Variants in TFEC observed in about 807,000 individuals in gnomAD.
The protein encoded by TFEC is transcription factor EC.
Under a neutral mutation model 41.6 loss-of-function variants are expected in TFEC, and 31 were observed. That is an observed-to-expected ratio of 0.74 (90% CI 0.56 to 1.01). The LOEUF (loss-of-function observed/expected upper bound fraction) is 1.01, where lower values mean the gene tolerates loss of function less well. Among genes scored for constraint, TFEC ranks in the 50% least tolerant of loss-of-function variants. The probability of loss-of-function intolerance (pLI) is 0.00; values close to 1 mark genes in which losing one functional copy is unlikely to be tolerated. For missense variants in TFEC, 402 were observed against 404.1 expected (o/e 0.99, Z 0.04); for synonymous variants, 143 against 140.6 (o/e 1.02, Z -0.12).
chr7:116,057,832 T>C (rs1229109482), intron 3 of TFEC, among the ~76,000 whole-genome samples: 1 of 151,800 alleles, frequency 6.6e-6, no homozygotes, highest in African/African-American at 2.4e-5. Flanking sequence ...AAAATTGTGG[T>C]AAGTTAAAGA....
intron 3 of TFEC, among the ~76,000 whole-genome samples, chr7:115,962,018 C>T (rs1394798647): frequency 6.6e-6 from 1 of 151,488 alleles, no homozygotes; most frequent in African/African-American, 2.4e-5. Context: ...CATTTATTAG[C>T]TCAAAAATCA....
intron 1 of TFEC, among the ~76,000 whole-genome samples, chr7:115,989,419 C>T (rs1031382704): frequency 5.9e-5 from 9 of 152,116 alleles, no homozygotes; most frequent in African/African-American, 1.7e-4. Context: ...GTGCAGCCCA[C>T]GGAGTGTGAG....
intron 1 of TFEC, among the ~76,000 whole-genome samples, chr7:116,015,385 A>C (rs1255332055): frequency 6.6e-6 from 1 of 152,156 alleles, no homozygotes; most frequent in Non-Finnish European, 1.5e-5. Flanking sequence ...TTTCTTTCTC[A>C]GCATGATCTG....
chr7:116,007,581 G>A (rs1421706845), intron 1 of TFEC, among the ~76,000 whole-genome samples: 3 of 152,072 alleles, frequency 2.0e-5, no homozygotes, highest in Non-Finnish European at 4.4e-5. Context: ...TTATTCCCAC[G>A]ATTTACTTTC....
intron 3 of TFEC, among the ~76,000 whole-genome samples, chr7:115,960,257 GAAAAT>G: frequency 6.6e-6 from 1 of 151,548 alleles, no homozygotes. Flanking sequence ...AACATTGAAA[GAAAAT>G]AAAACGAAGT....
chr7:116,115,999 A>G (rs981722545), intron 1 of TFEC, among the ~76,000 whole-genome samples: 1 of 151,950 alleles, frequency 6.6e-6, no homozygotes, highest in Non-Finnish European at 1.5e-5. Flanking sequence ...GTGGTTATTT[A>G]CAGCTGATAT....
intron 3 of TFEC, among the ~76,000 whole-genome samples, chr7:116,092,178 C>T (rs1797344205): frequency 6.6e-6 from 1 of 152,156 alleles, no homozygotes; most frequent in Non-Finnish European, 1.5e-5. Context: ...ATCCCAGTGT[C>T]TCCAGTGAAT....
At chr7:115,955,265 C>A (rs1792161511) in intron 4 of TFEC, among the ~76,000 whole-genome samples, 1 of 152,014 alleles carries the variant, frequency 6.6e-6, no homozygotes, top group Admixed American at 6.6e-5. Flanking sequence ...TTGTAATTCC[C>A]TCCCACATTA....
chr7:115,954,686 TA>T, intron 4 of TFEC, 44 bp from the exon 5 acceptor site: 1 of 1,487,818 alleles, frequency 6.7e-7, no homozygotes. Flanking sequence ...AGTTCTACCT[TA>T]AAACCCCTCC....
chr7:116,111,138 C>T (rs1437346780), intron 2 of TFEC, among the ~76,000 whole-genome samples: 1 of 149,280 alleles, frequency 6.7e-6, no homozygotes, highest in African/African-American at 2.5e-5. Context: ...TGAGAAGAAA[C>T]AGTTGGCATT....
chr7:116,089,998 G>C (rs1026782607), intron 3 of TFEC, among the ~76,000 whole-genome samples: 3 of 152,112 alleles, frequency 2.0e-5, no homozygotes, highest in African/African-American at 7.2e-5. Context: ...GCAGAAGAAA[G>C]GGTCTGAAGG....
At chr7:116,079,473 T>C (rs1256750308) in intron 3 of TFEC, among the ~76,000 whole-genome samples, 1 of 152,136 alleles carries the variant, frequency 6.6e-6, no homozygotes, top group Non-Finnish European at 1.5e-5. Flanking sequence ...ATAAATGGAT[T>C]CGGTGATGTT....
At chr7:116,131,093 C>A (rs1472702634) in intron 1 of TFEC, among the ~76,000 whole-genome samples, 2 of 151,796 alleles carry the variant, frequency 1.3e-5, no homozygotes, top group Non-Finnish European at 2.9e-5. Context: ...CGTTTAAGAC[C>A]CAAGATCTGA....
chr7:116,010,880 T>C (rs1794976502), intron 1 of TFEC, among the ~76,000 whole-genome samples: 1 of 152,168 alleles, frequency 6.6e-6, no homozygotes. Context: ...ATTTCAGAAA[T>C]TATGCATTCA....
At chr7:116,158,172 G>A (rs1411089235) in intron 1 of TFEC, among the ~76,000 whole-genome samples, 1 of 151,982 alleles carries the variant, frequency 6.6e-6, no homozygotes, top group Non-Finnish European at 1.5e-5. Flanking sequence ...CACATTTTTG[G>A]AAGAGGCATT....
chr7:116,026,136 C>T (rs765952234), intron 1 of TFEC, among the ~76,000 whole-genome samples: 1 of 152,160 alleles, frequency 6.6e-6, no homozygotes, highest in Admixed American at 6.5e-5. Context: ...CATGGTCTGC[C>T]CCCACCTTAA....
rs566245640 is a variant in TFEC, at chr7:116,042,612, C to A, written c.199-58099G>T. On this transcript the variant is annotated intron_variant, in intron 3 of 8. Coordinates refer to the TFEC transcript ENST00000484212. ...ATAATCTGTAATGACTTTTTATTAACCATAATTGTGGCAAAATTATTTGGA... is the reference window on the plus strand; with the variant it reads ...ATAATCTGTAATGACTTTTTATTAAACATAATTGTGGCAAAATTATTTGGA... Among the ~76,000 whole-genome samples, 3 of 152,246 alleles carry A rather than the reference C, an allele frequency of 2.0e-5. No individual in the cohort carries two copies. The South Asian group carries it at 6.2e-4, about 32-fold the overall frequency.
At chr7:115,969,042 C>A (rs934595259) in intron 3 of TFEC, among the ~76,000 whole-genome samples, 4 of 151,514 alleles carry the variant, frequency 2.6e-5, no homozygotes, top group African/African-American at 9.7e-5. Context: ...GCAGTAGTAC[C>A]ATGCTACTGC....
At chr7:115,988,846 GA>G (rs371888260) in intron 1 of TFEC, among the ~76,000 whole-genome samples, 32 of 151,680 alleles carry the variant, frequency 2.1e-4, no homozygotes, top group African/African-American at 7.3e-4. Context: ...AAAAACTCTG[GA>G]AAAAAAATCT....
Sources: allele counts gnomAD v4.1 joint callset (sites outside exome capture counted in the v4.1 genomes callset), GRCh38; gene constraint gnomAD v4.1.1; transcripts MANE v1.5; gene names NCBI Gene and HGNC (gene_info 2026-07-23, HGNC 2026-07-21).